Variants in HIF3A observed in about 807,000 individuals in gnomAD.
HIF3A encodes the protein hypoxia inducible factor 3 subunit alpha, also known as hypoxia-inducible factor 3-alpha.
In HIF3A, 41 loss-of-function variants were observed where a neutral mutation model predicts 67.2. That is an observed-to-expected ratio of 0.61 (90% CI 0.48 to 0.79). The LOEUF is 0.79. Ranked by LOEUF, HIF3A falls within the 30% of genes least tolerant of loss-of-function variation. HIF3A has a pLI of 0.00. For synonymous variants in HIF3A, 356 were observed against 374.8 expected, an observed-to-expected ratio of 0.95 and a Z score of 0.58; for missense variants, 855 against 898.0, an observed-to-expected ratio of 0.95 and a Z score of 0.61.
Position 46,312,524 on chromosome 19 carries a change from C to G in HIF3A, c.896C>G (p.Ala299Gly). The G allele has an allele frequency of 6.2e-7, 1 of 1,614,022 alleles. No homozygotes were observed. Among genetic ancestry groups the G allele is most frequent in the Non-Finnish European group, 8.5e-7 (1 of 1,179,990 alleles). ...SIHTLLSKGQ[A>G]VTGQYRFLAR... The stretch of plus-strand genomic sequence containing the variant: ...TCCTCAGTGCTGAGCAAGGGCCAGG[C>G]AGTAACAGGGCAGTATCGCTTCCTG... Residue 299 changes from alanine to glycine, a missense_variant, in exon 8 of 15, where the codon GCA (alanine) becomes GGA (glycine). Around this residue, in one of 3 missense-constraint regions of HIF3A, gnomAD observed 638 missense variants for 660.5 expected, o/e 0.97. Transcript: ENST00000377670.
chr19:46,329,958 A>AG (rs1199510166), intron 12 of HIF3A, among the ~76,000 whole-genome samples: 2 of 63,802 alleles, frequency 3.1e-5, no homozygotes, highest in African/African-American at 6.3e-5. Flanking sequence ...GACCCTGTCA[A>AG]GAAAAAAAAA....
At chr19:46,338,472 G>A in intron 14 of HIF3A, 1 of 1,121,206 alleles carries the variant, frequency 8.9e-7, no homozygotes. Context: ...CAAAGTGCTG[G>A]GATTACTGGT....
chr19:46,317,199 G>C (rs907979416), intron 8 of HIF3A, among the ~76,000 whole-genome samples: 5 of 151,828 alleles, frequency 3.3e-5, no homozygotes, highest in African/African-American at 9.7e-5. Flanking sequence ...GGGATTACAG[G>C]TGTGAGCCCT....
intron 14 of HIF3A, chr19:46,338,101 C>A: frequency 2.3e-6 from 1 of 430,024 alleles, no homozygotes; most frequent in Non-Finnish European, 4.6e-6. Flanking sequence ...ACTGGAGTGT[C>A]GGTCCCATAA....
Position 46,321,782 on chromosome 19 carries a change from CT to C in HIF3A, c.1152del (p.Gly385AlafsTer13). 6.2e-7 allele frequency: 1 copy of C among 1,613,184 alleles called. No homozygotes were observed. The highest frequency in any genetic ancestry group is 8.5e-7 in the Non-Finnish European group (1 of 1,179,758). ...TPNPGDSLDT[P>X]GPRILAFLHP... is the part of the protein sequence containing the mutation. ...ATCTCCATGTGTCCTGCAGACACCCCTGGCCCCCGGATCCTTGCCTTCCTGC... is the reference window on the plus strand; with the variant it reads ...ATCTCCATGTGTCCTGCAGACACCCCGGCCCCCGGATCCTTGCCTTCCTGC... On this transcript the variant is annotated frameshift_variant, in exon 10 of 15. Transcript: ENST00000377670. LOFTEE classifies it high-confidence loss of function.
At chr19:46,317,772 C>T (rs768774644) in intron 8 of HIF3A, among the ~76,000 whole-genome samples, 2 of 152,100 alleles carry the variant, frequency 1.3e-5, no homozygotes, top group Admixed American at 6.6e-5. Flanking sequence ...CTTCTTCGAT[C>T]GTCCTTTTCA....
chr19:46,316,853 A>G (rs574225256), intron 8 of HIF3A, among the ~76,000 whole-genome samples: 156 of 152,046 alleles, frequency 1.0e-3, no homozygotes, highest in African/African-American at 3.6e-3. Flanking sequence ...GAAGAAGGTT[A>G]TCTTATAGGA....
intron 8 of HIF3A, chr19:46,313,186 G>C (rs1969613327): frequency 1.6e-6 from 1 of 610,466 alleles, no homozygotes; most frequent in Non-Finnish European, 2.0e-6. Context: ...AGGTGGTGGA[G>C]GCTGCAGTGA....
rs1014222508 is a variant in HIF3A, at chr19:46,339,744, C to A, written c.*122C>A. On this transcript the variant is annotated 3_prime_UTR_variant, in exon 15 of 15. Coordinates refer to ENST00000377670, the MANE Select transcript of HIF3A (RefSeq NM_152795.4). ...AGGGGCCCCTCTCTCCTCTATGTAC[C>A]CCCTGCCCACCTCGGGCCTACCTCA... The A allele has an allele frequency of 1.8e-6, 1 of 564,526 alleles. No individual in the cohort carries two copies. The highest frequency in any genetic ancestry group is 3.0e-6 in the Non-Finnish European group (1 of 332,476). 35.0% of individuals were successfully genotyped at this position (564,526 alleles called of 1,614,324 possible). A position where few individuals can be genotyped will look rare whatever the true frequency, so the allele number is the denominator to read the frequency against.
intron 8 of HIF3A, among the ~76,000 whole-genome samples, chr19:46,315,766 T>G (rs1969866418): frequency 6.6e-6 from 1 of 151,650 alleles, no homozygotes; most frequent in African/African-American, 2.4e-5. Flanking sequence ...ATACAAAAAT[T>G]AGCCAGGTGT....
chr19:46,331,494 C>T (rs567005327), intron 13 of HIF3A: 27 of 144,374 alleles, frequency 1.9e-4, no homozygotes, highest in Non-Finnish European at 3.1e-4. Context: ...CCAGCATGAG[C>T]GACAGAATGG....
chr19:46,304,208 T>G lies in HIF3A; in HGVS notation c.217+120T>G, dbSNP rs551056583. On this transcript the variant is annotated intron_variant, in intron 2 of 14. Transcript: ENST00000377670. ...TCTGACAAAGCCCCGCCCCCTGGTG[T>G]CGTTTTTTTCGGCGGAGCCCCACCC... 1.9e-4 allele frequency: 149 copies of G among 797,624 alleles called. 3 individuals are homozygous for G. In the East Asian group the frequency reaches 2.5e-3, roughly 13 times the overall value. 49.4% of individuals were successfully genotyped at this position (797,624 alleles called of 1,614,324 possible). A position where few individuals can be genotyped will look rare whatever the true frequency, so the allele number is the denominator to read the frequency against.
chr19:46,309,439 C>A, intron 6 of HIF3A, 80 bp downstream of exon 6: 1 of 791,956 alleles, frequency 1.3e-6, no homozygotes, highest in Non-Finnish European at 2.0e-6. Context: ...GCATTTCTCT[C>A]TCTCCTTCTC....
chr19:46,312,712 G>GGT (rs112839120), intron 8 of HIF3A, 59 bp downstream of exon 8: 43,834 of 1,428,102 alleles, frequency 0.031, 351 homozygotes, highest in African/African-American at 0.092. Flanking sequence ...TGTGTGGACA[G>GGT]GTGTGTGTGT....
chr19:46,299,697 C>T (rs1188591856), intron 1 of HIF3A, among the ~76,000 whole-genome samples: 11 of 126,466 alleles, frequency 8.7e-5, no homozygotes, highest in Non-Finnish European at 1.1e-4. Context: ...ACAACACAGC[C>T]GGACCTTGTC....
chr19:46,329,545 C>T, intron 12 of HIF3A, 67 bp downstream of exon 12: 1 of 1,431,042 alleles, frequency 7.0e-7, no homozygotes, highest in South Asian at 1.5e-5. Flanking sequence ...CTGCCTCCTG[C>T]TTCAGCCTCA....
intron 2 of HIF3A, chr19:46,304,937 A>G (rs1439231137): frequency 2.3e-6 from 1 of 438,602 alleles, no homozygotes; most frequent in Non-Finnish European, 4.2e-6. Context: ...GACCCTGGGG[A>G]GTTCCATCCA....
chr19:46,308,343 G>A, intron 4 of HIF3A, 38 bp downstream of exon 4: 1 of 1,336,064 alleles, frequency 7.5e-7, no homozygotes. Context: ...ACCATACAGA[G>A]GAGGAAGCTG....
At chr19:46,335,321 G>C (rs972316323) in intron 14 of HIF3A, among the ~76,000 whole-genome samples, 3 of 151,892 alleles carry the variant, frequency 2.0e-5, no homozygotes, top group African/African-American at 7.3e-5. Flanking sequence ...CCAGGCTGGA[G>C]TGCAGTGGCA....
Sources: allele counts gnomAD v4.1 joint callset (sites outside exome capture counted in the v4.1 genomes callset), GRCh38; gene constraint gnomAD v4.1.1; regional missense constraint gnomAD v4.1.1; transcripts MANE v1.5; gene names NCBI Gene and HGNC (gene_info 2026-07-23, HGNC 2026-07-21).